The following PIWIL2 variants were observed in gnomAD, a reference collection of about 807,000 sequenced individuals.
The protein encoded by PIWIL2 is piwi like RNA-mediated gene silencing 2.
Under a neutral mutation model 116.5 loss-of-function variants are expected in PIWIL2, and 81 were observed. That is an observed-to-expected ratio of 0.70 (90% CI 0.58 to 0.84). PIWIL2 has a LOEUF of 0.84. PIWIL2 is among the 40% of genes least tolerant of loss of function. The pLI, the probability that PIWIL2 is intolerant of heterozygous loss-of-function variation, is 0.00. For missense variants in PIWIL2, 1,272 were observed against 1,212.3 expected, an observed-to-expected ratio of 1.05 and a Z score of -0.73; for synonymous variants, 489 against 429.5, an observed-to-expected ratio of 1.14 and a Z score of -1.71.
rs1206848980 is a variant in PIWIL2, at chr8:22,356,127, A to G, written c.*622A>G. On this transcript the variant is annotated 3_prime_UTR_variant, in exon 23 of 23. Coordinates refer to ENST00000356766, the MANE Select transcript of PIWIL2 (RefSeq NM_018068.5). ...GCAGAAACCAGCAGAAGCAGCCATT[A>G]TACTTCTAAGCTGTGCCAACTAAGT... is the stretch of plus-strand genomic sequence containing the variant. 6.6e-6 allele frequency: 1 copy of G among 152,236 alleles called. No individual in the cohort carries two copies. Among genetic ancestry groups the G allele is most frequent in the African/African-American group, 2.4e-5 (1 of 41,384 alleles). The allele number at this position is 152,236 out of a possible 1,614,324, so 9.4% of individuals were successfully genotyped here. A position where few individuals can be genotyped will look rare whatever the true frequency, so the allele number is the denominator to read the frequency against.
chr8:22,348,866 C>A (rs1832287756), intron 20 of PIWIL2, among the ~76,000 whole-genome samples: 1 of 152,116 alleles, frequency 6.6e-6, no homozygotes, highest in South Asian at 2.1e-4. Flanking sequence ...ACTAGATGAC[C>A]TAGACAGCTT....
chr8:22,286,263 A>G (rs1830627011), intron 6 of PIWIL2, among the ~76,000 whole-genome samples: 1 of 152,286 alleles, frequency 6.6e-6, no homozygotes, highest in Non-Finnish European at 1.5e-5. Flanking sequence ...AAAGGAGGGC[A>G]TAGGCCATGA....
intron 10 of PIWIL2, among the ~76,000 whole-genome samples, chr8:22,294,644 CAAAAAAAA>C (rs897494985): frequency 6.7e-5 from 2 of 29,902 alleles, no homozygotes; most frequent in African/African-American, 2.3e-4. Flanking sequence ...GACTCTGTCT[CAAAAAAAA>C]AAAAAAAAAA....
At chr8:22,318,347 C>CAAAAA in intron 20 of PIWIL2, 72 bp downstream of exon 20, 5 of 834,318 alleles carry the variant, frequency 6.0e-6, no homozygotes, top group Non-Finnish European at 9.8e-6. Context: ...GACAGAGTCT[C>CAAAAA]ACTCTTGTCG....
intron 10 of PIWIL2, among the ~76,000 whole-genome samples, chr8:22,292,692 C>T (rs1830792814): frequency 6.6e-6 from 1 of 152,092 alleles, no homozygotes; most frequent in African/African-American, 2.4e-5. Context: ...AGCTGAGCAG[C>T]GGAGGTTGGC....
In PIWIL2 at chr8:22,311,215, G is replaced by A. The variant is rs147710731; in HGVS notation, c.1904G>A (p.Arg635His). Residue 635 changes from arginine to histidine, a missense_variant, in exon 16 of 23, where the codon CGT (arginine) becomes CAT (histidine). Coordinates refer to ENST00000356766, the MANE Select transcript of PIWIL2 (RefSeq NM_018068.5). ...AAGATAGCCGGCCCCATTGGCATGC[G>A]TATGAGCCCACCGGCCTGGGTTGAA... ...LEKIAGPIGM[R>H]MSPPAWVELK... 28 of 1,614,126 alleles carry A rather than the reference G, an allele frequency of 1.7e-5. No homozygotes were observed. Among genetic ancestry groups the A allele is most frequent in the East Asian group, 2.2e-5 (1 of 44,886 alleles).
In PIWIL2 at chr8:22,318,283, G is replaced by T; in HGVS notation, c.2403+8G>T. 1 of 1,430,472 alleles carries T rather than the reference G, an allele frequency of 7.0e-7. No individual in the cohort carries two copies. Among genetic ancestry groups the T allele is most frequent in the Non-Finnish European group, 9.8e-7 (1 of 1,025,096 alleles). 88.6% of individuals were successfully genotyped at this position (1,430,472 alleles called of 1,614,324 possible). ...TTAAAAAAGTTTTATGAGGTGAGGA[G>T]AACAGAAATTCTCAGGCTTCTGGGG... On this transcript the variant is annotated splice_region_variant and intron_variant, in intron 20 of 22. Transcript: ENST00000356766.
chr8:22,280,527 A>C (rs1197532446), intron 2 of PIWIL2, among the ~76,000 whole-genome samples: 1 of 152,240 alleles, frequency 6.6e-6, no homozygotes, highest in Non-Finnish European at 1.5e-5. Flanking sequence ...TTTTATAAGG[A>C]GAAAAGTTTA....
In PIWIL2 at chr8:22,353,019, C is replaced by G. The variant is rs147192548; in HGVS notation, c.2464C>G (p.Leu822Val). 2.7e-3 allele frequency: 4,315 copies of G among 1,613,788 alleles called. 12 individuals carry two copies. The highest frequency in any genetic ancestry group is 3.5e-3 in the Non-Finnish European group (4,141 of 1,179,656). Reference protein sequence around the residue: ...VYRDGVSDGQLKTVANYEIPQ... With the variant: ...VYRDGVSDGQVKTVANYEIPQ... ...CCGTGATGGAGTGTCTGATGGCCAACTGAAGACAGTTGCCAACTATGAGAT... is the reference window on the plus strand; with the variant it reads ...CCGTGATGGAGTGTCTGATGGCCAAGTGAAGACAGTTGCCAACTATGAGAT... The change falls in exon 21 of 23, where the codon CTG (leucine) becomes GTG (valine). Residue 822 changes from leucine (L) to valine (V), a missense_variant. Transcript: ENST00000356766.
chr8:22,314,862 T>C (rs1241520678), intron 17 of PIWIL2, among the ~76,000 whole-genome samples, 167 bp from the exon 18 acceptor site: 1 of 152,080 alleles, frequency 6.6e-6, no homozygotes, highest in Non-Finnish European at 1.5e-5. Flanking sequence ...ATTTTGCCCA[T>C]GTGCATGCAT....
At chr8:22,299,266 A>G (rs1303549188) in intron 10 of PIWIL2, among the ~76,000 whole-genome samples, 1 of 150,518 alleles carries the variant, frequency 6.6e-6, no homozygotes, top group African/African-American at 2.5e-5. Context: ...GCTGGAGTGC[A>G]ATGGCGTGAT....
chr8:22,294,313 G>A (rs1349430892), intron 10 of PIWIL2, among the ~76,000 whole-genome samples: 2 of 146,078 alleles, frequency 1.4e-5, no homozygotes, highest in Admixed American at 1.4e-4. Context: ...ACTCCAGCCT[G>A]GGTGACGGAG....
At chr8:22,333,802 C>A (rs1363873581) in intron 20 of PIWIL2, among the ~76,000 whole-genome samples, 1 of 151,812 alleles carries the variant, frequency 6.6e-6, no homozygotes, top group Non-Finnish European at 1.5e-5. Flanking sequence ...ATAAAATTGA[C>A]TATGGTGGTG....
chr8:22,298,084 C>G (rs1277222832), intron 10 of PIWIL2, among the ~76,000 whole-genome samples: 4 of 152,046 alleles, frequency 2.6e-5, no homozygotes, highest in African/African-American at 9.7e-5. Context: ...TGGCAAAATC[C>G]TGTCTCTACA....
chr8:22,349,940 G>T (rs1212949245), intron 20 of PIWIL2, among the ~76,000 whole-genome samples: 1 of 151,934 alleles, frequency 6.6e-6, no homozygotes, highest in African/African-American at 2.4e-5. Flanking sequence ...GGCTCGAGTC[G>T]TCTACACATC....
chr8:22,286,808 G>C (rs896545672), intron 6 of PIWIL2, among the ~76,000 whole-genome samples: 1 of 151,868 alleles, frequency 6.6e-6, no homozygotes, highest in Non-Finnish European at 1.5e-5. Context: ...ATTTTTAGTA[G>C]AACAGGGTTT....
intron 20 of PIWIL2, among the ~76,000 whole-genome samples, chr8:22,331,611 T>A (rs1044722722): frequency 7.2e-5 from 11 of 152,158 alleles, no homozygotes; most frequent in African/African-American, 2.7e-4. Flanking sequence ...GTAACTGAAA[T>A]TAAACTCAGT....
At chr8:22,288,488 T>G in intron 7 of PIWIL2, 54 bp from the exon 8 acceptor site, 1 of 1,470,764 alleles carries the variant, frequency 6.8e-7, no homozygotes, top group South Asian at 1.2e-5. Flanking sequence ...TAGGACTTGG[T>G]CATTAGTTCT....
At chr8:22,332,630 G>A (rs557631730) in intron 20 of PIWIL2, among the ~76,000 whole-genome samples, 40 of 151,992 alleles carry the variant, frequency 2.6e-4, no homozygotes, top group Admixed American at 2.6e-3. Flanking sequence ...GATCAATATG[G>A]ACTAATAGCT....
Sources: gnomAD v4.1 joint callset for allele counts (sites outside exome capture counted in the v4.1 genomes callset) on GRCh38, gnomAD v4.1.1 for gene constraint, MANE v1.5 for transcripts, NCBI Gene and HGNC (gene_info 2026-07-23, HGNC 2026-07-21) for gene names.